INTS7: variants seen among roughly 807,000 people sequenced by gnomAD.
INTS7 encodes the protein integrator complex subunit 7, also known as chromosome 1 open reading frame 73.
INTS7 carries 46 observed loss-of-function variants against 109.2 expected under a neutral mutation model. That is an observed-to-expected ratio of 0.42 (90% CI 0.33 to 0.54). INTS7 has a LOEUF of 0.54. INTS7 is among the 20% of genes least tolerant of loss of function. The pLI, the probability that INTS7 is intolerant of heterozygous loss-of-function variation, is 0.07. For missense variants in INTS7, 929 were observed against 1,132.4 expected (o/e 0.82, Z 2.58); for synonymous variants, 412 against 402.9 (o/e 1.02, Z -0.27).
In INTS7 at chr1:211,982,793, G is replaced by C; in HGVS notation, c.1015C>G (p.Pro339Ala). The part of the protein sequence containing the change: ...SIVPGNVSSS[P>A]RSSDLVKLAQ... ...AATTTGACTAAATCAGAAGATCTGGGAGAAGAACTCACATTTCCTAAAAAA... is the reference window on the plus strand; with the variant it reads ...AATTTGACTAAATCAGAAGATCTGGCAGAAGAACTCACATTTCCTAAAAAA... The change falls in exon 9 of 20, where the codon CCC (proline) becomes GCC (alanine). Residue 339 changes from proline (P) to alanine (A), a missense_variant. Coordinates refer to ENST00000366994, the MANE Select transcript of INTS7 (RefSeq NM_015434.4). 1 of 1,607,148 alleles carries C rather than the reference G, an allele frequency of 6.2e-7. No homozygotes were observed. Among genetic ancestry groups the C allele is most frequent in the Non-Finnish European group, 8.5e-7 (1 of 1,176,732 alleles).
intron 3 of INTS7, among the ~76,000 whole-genome samples, chr1:212,019,743 A>C (rs1666611012): frequency 6.6e-6 from 1 of 152,240 alleles, no homozygotes; most frequent in Non-Finnish European, 1.5e-5. Context: ...ATCACATTAA[A>C]AATGATCACA....
chr1:211,977,178 C>G (rs911367740), intron 11 of INTS7, among the ~76,000 whole-genome samples: 2 of 152,072 alleles, frequency 1.3e-5, no homozygotes, highest in African/African-American at 4.8e-5. Context: ...TGATAAATAC[C>G]AAATTCAGGA....
At chr1:212,006,836 G>T in intron 6 of INTS7, 75 bp from the exon 7 acceptor site, 1 of 1,273,200 alleles carries the variant, frequency 7.9e-7, no homozygotes, top group Non-Finnish European at 1.1e-6. Flanking sequence ...GTAGTTTAGT[G>T]AAACTTATAA....
At chr1:211,993,821 C>T (rs1172421868) in intron 7 of INTS7, among the ~76,000 whole-genome samples, 1 of 151,894 alleles carries the variant, frequency 6.6e-6, no homozygotes, top group Non-Finnish European at 1.5e-5. Context: ...AAATGTTTTT[C>T]CTATGAAACT....
intron 1 of INTS7, among the ~76,000 whole-genome samples, chr1:212,023,623 C>T (rs181936387): frequency 6.6e-6 from 1 of 152,128 alleles, no homozygotes; most frequent in Non-Finnish European, 1.5e-5. Context: ...GAATTAAGTT[C>T]CTTATAGACT....
chr1:211,979,752 G>A (rs1664571548), intron 10 of INTS7, among the ~76,000 whole-genome samples: 2 of 152,166 alleles, frequency 1.3e-5, no homozygotes, highest in African/African-American at 2.4e-5. Context: ...TATAACAGCA[G>A]TCATTGGGCT....
At chr1:211,947,002 G>A (rs1448611867) in intron 17 of INTS7, among the ~76,000 whole-genome samples, 1 of 152,136 alleles carries the variant, frequency 6.6e-6, no homozygotes, top group Non-Finnish European at 1.5e-5. Flanking sequence ...AGAACTATCA[G>A]TATATTATTA....
At position 211,942,897 on chromosome 1, in the gene INTS7, T is replaced by A. The variant is rs1662697305; in HGVS notation, c.2602-786A>T. On this transcript the variant is annotated intron_variant, in intron 19 of 19. Transcript: ENST00000366994. The surrounding 1 kb of genome is among the most constrained non-coding windows in gnomAD (Gnocchi z 4.2). ...AAATAAAGGTGATCTTAATGTGTAT[T>A]TGACCAAATTACTCTAGGTTTATGT... Among the ~76,000 whole-genome samples the A allele has an allele frequency of 6.6e-6, 1 of 152,166 alleles. No individual in the cohort carries two copies. Among genetic ancestry groups the A allele is most frequent in the Non-Finnish European group, 1.5e-5 (1 of 68,026 alleles).
At chr1:212,020,779 A>T (rs1666656056) in intron 2 of INTS7, 1 of 993,440 alleles carries the variant, frequency 1.0e-6, no homozygotes, top group Non-Finnish European at 1.2e-6. Context: ...ATTAAATTAA[A>T]TCAGAAACTT....
rs909861134 is a variant in INTS7 at position 211,968,396 on chromosome 1, A to G, written c.2010+117T>C. On this transcript the variant is annotated intron_variant, in intron 14 of 19. Transcript: ENST00000366994. ...TTTTAGCCAGACAGTTGAGTGAATA[A>G]ACATTTATGATAATGTCTGAGTCAA... is the stretch of plus-strand genomic sequence containing the variant. The G allele has an allele frequency of 3.6e-6, 3 of 843,910 alleles. No homozygotes were observed. In the African/African-American group the frequency reaches 5.1e-5, roughly 14 times the overall value. 52.3% of individuals were successfully genotyped at this position (843,910 alleles called of 1,614,324 possible). A position where few individuals can be genotyped will look rare whatever the true frequency, so the allele number is the denominator to read the frequency against.
intron 17 of INTS7, among the ~76,000 whole-genome samples, chr1:211,950,357 C>T (rs1156665585): frequency 1.3e-5 from 2 of 152,126 alleles, no homozygotes; most frequent in South Asian, 2.1e-4. Context: ...CTGCAACCTC[C>T]GCCTCCCGGG....
At chr1:211,958,782 A>G (rs1038031500) in intron 16 of INTS7, among the ~76,000 whole-genome samples, 4 of 152,138 alleles carry the variant, frequency 2.6e-5, no homozygotes, top group Non-Finnish European at 4.4e-5. Flanking sequence ...GGAAACTGAT[A>G]TTGGAATCTC....
chr1:211,956,348 C>T (rs541028549), intron 16 of INTS7, among the ~76,000 whole-genome samples: 75 of 152,166 alleles, frequency 4.9e-4, no homozygotes, highest in African/African-American at 1.6e-3. Flanking sequence ...TGCAATATGG[C>T]GAAGTACTTA....
chr1:211,999,342 G>T (rs1213446692), intron 7 of INTS7, among the ~76,000 whole-genome samples: 1 of 152,140 alleles, frequency 6.6e-6, no homozygotes, highest in African/African-American at 2.4e-5. Flanking sequence ...AAGTATTATG[G>T]TAAGTGAAAG....
At chr1:211,974,290 T>A (rs1227518454) in intron 13 of INTS7, among the ~76,000 whole-genome samples, 1 of 109,202 alleles carries the variant, frequency 9.2e-6, no homozygotes, top group Admixed American at 9.1e-5. Flanking sequence ...TATATATATA[T>A]ATATATATAT....
intron 15 of INTS7, 146 bp from the exon 16 acceptor site, chr1:211,966,644 C>G (rs1307393655): frequency 7.0e-6 from 4 of 575,430 alleles, no homozygotes; most frequent in Non-Finnish European, 1.2e-5. Context: ...TGGGGCTCTA[C>G]CTTTTCTTTT....
chr1:212,000,636 G>T (rs191136972), intron 7 of INTS7, among the ~76,000 whole-genome samples: 2 of 152,072 alleles, frequency 1.3e-5, no homozygotes, highest in Non-Finnish European at 2.9e-5. Flanking sequence ...TATCTTACAT[G>T]GCAATCCTCT....
chr1:211,998,337 A>G lies in INTS7; in HGVS notation c.879+8302T>C, dbSNP rs72649982. ...CTATCTGATTCCAAGAGTTGCCATA[A>G]AACGATGGTAATCAAGACAGTGTAT... On this transcript the variant is annotated intron_variant, in intron 7 of 19. Coordinates refer to ENST00000366994, the MANE Select transcript of INTS7 (RefSeq NM_015434.4). Among the ~76,000 whole-genome samples the G allele has an allele frequency of 0.011, 1,671 of 152,358 alleles. 96 individuals carry two copies. In the East Asian group the frequency reaches 0.17, roughly 16 times the overall value.
At chr1:212,004,876 G>GTT (rs1274188721) in intron 7 of INTS7, among the ~76,000 whole-genome samples, 1 of 152,196 alleles carries the variant, frequency 6.6e-6, no homozygotes, top group Non-Finnish European at 1.5e-5. Context: ...GGTAAAAAAC[G>GTT]TAAGTCTGAT....
Sources: allele counts gnomAD v4.1 joint callset (sites outside exome capture counted in the v4.1 genomes callset), GRCh38; gene constraint gnomAD v4.1.1; non-coding constraint Gnocchi (gnomAD v3.1); transcripts MANE v1.5; gene names NCBI Gene and HGNC (gene_info 2026-07-23, HGNC 2026-07-21).